SLF1: variants seen among roughly 807,000 people sequenced by gnomAD.
SLF1 encodes the protein SMC5/6 complex localization factor 1.
A neutral mutation model predicts 123.0 loss-of-function variants in SLF1; 105 were observed. That is an observed-to-expected ratio of 0.85 (90% CI 0.73 to 1.00). The LOEUF is 1.00. SLF1 is among the 50% of genes least tolerant of loss of function. SLF1 has a pLI of 0.00. For synonymous variants in SLF1, 434 were observed against 406.6 expected, an observed-to-expected ratio of 1.07 and a Z score of -0.81; for missense variants, 1,239 against 1,223.0, an observed-to-expected ratio of 1.01 and a Z score of -0.20.
chr5:94,631,215 T>C (rs1451882735), intron 4 of SLF1, among the ~76,000 whole-genome samples: 1 of 152,140 alleles, frequency 6.6e-6, no homozygotes. Flanking sequence ...GCTGTTACTT[T>C]TTTTTTTATG....
intron 14 of SLF1, among the ~76,000 whole-genome samples, chr5:94,675,759 C>T (rs1371426749): frequency 1.3e-5 from 2 of 151,976 alleles, no homozygotes; most frequent in African/African-American, 2.4e-5. Flanking sequence ...AGTTATTCCT[C>T]GAAATCACTG....
intron 4 of SLF1, among the ~76,000 whole-genome samples, chr5:94,637,213 A>G (rs1003307702): frequency 6.6e-6 from 1 of 152,162 alleles, no homozygotes; most frequent in African/African-American, 2.4e-5. Flanking sequence ...TGGCAGGGAC[A>G]GAATTTCACT....
chr5:94,618,485 A>G (rs896323069), upstream of SLF1: 4 of 152,946 alleles, frequency 2.6e-5, no homozygotes, highest in African/African-American at 9.6e-5. Context: ...GAGAAAACCC[A>G]GTAAAATCAC....
intron 15 of SLF1, 26 bp from the exon 16 acceptor site, chr5:94,686,547 A>C: frequency 6.2e-7 from 1 of 1,610,328 alleles, no homozygotes; most frequent in Non-Finnish European, 8.5e-7. Context: ...AGCAATAACT[A>C]TATTAACTTA....
At chr5:94,660,705 G>C (rs1480131313) in intron 9 of SLF1, among the ~76,000 whole-genome samples, 3 of 152,188 alleles carry the variant, frequency 2.0e-5, no homozygotes, top group African/African-American at 7.2e-5. Flanking sequence ...CCCCCAGTGG[G>C]CCACTCCTCA....
chr5:94,642,074 T>G (rs1210630103), intron 4 of SLF1, among the ~76,000 whole-genome samples: 4 of 152,208 alleles, frequency 2.6e-5, no homozygotes, highest in Non-Finnish European at 5.9e-5. Flanking sequence ...AAGTTTTATT[T>G]CCACCCCTCC....
At chr5:94,653,486 A>C (rs1747990987) in intron 8 of SLF1, 65 bp downstream of exon 8, 1 of 1,303,656 alleles carries the variant, frequency 7.7e-7, no homozygotes. Flanking sequence ...GATATAATCT[A>C]GATATATAAT....
intron 12 of SLF1, among the ~76,000 whole-genome samples, chr5:94,666,322 A>C (rs1213661731): frequency 1.3e-5 from 2 of 152,212 alleles, no homozygotes; most frequent in Admixed American, 1.3e-4. Flanking sequence ...TAAATGAAGA[A>C]AATTAATTTA....
intron 15 of SLF1, among the ~76,000 whole-genome samples, chr5:94,684,860 G>A (rs148331059): frequency 9.4e-4 from 143 of 152,306 alleles, no homozygotes; most frequent in South Asian, 6.0e-3. Context: ...ATGACAAGCT[G>A]CCACAAGGCA....
chr5:94,671,097 A>T (rs56813337), intron 14 of SLF1, 89 bp downstream of exon 14: 78,133 of 961,946 alleles, frequency 0.081, 3,517 homozygotes, highest in South Asian at 0.12. Flanking sequence ...TCTTTGGATC[A>T]CTCGAAAACA....
chr5:94,622,170 C>A (rs542300475), intron 1 of SLF1, among the ~76,000 whole-genome samples: 1 of 152,318 alleles, frequency 6.6e-6, no homozygotes, highest in South Asian at 2.1e-4. Flanking sequence ...CACTTGGACC[C>A]TTTTCAGTTT....
At position 94,688,549 on chromosome 5, in the gene SLF1, G is replaced by C. The variant is rs746031677; in HGVS notation, c.2165G>C (p.Gly722Ala). 6.2e-7 allele frequency: 1 copy of C among 1,613,992 alleles called. No homozygotes were observed. The highest frequency in any genetic ancestry group is 1.1e-5 in the South Asian group (1 of 91,070). Reference sequence around the variant, plus strand: ...GCCTTGGGGAAAACTGGTGTGCTTGGGTCTGGAAAGATTCAGGTGTCAAAG... The same window carrying C: ...GCCTTGGGGAAAACTGGTGTGCTTGCGTCTGGAAAGATTCAGGTGTCAAAG... Reference protein sequence around the residue: ...LPALGKTGVLGSGKIQVSKKI... With the variant: ...LPALGKTGVLASGKIQVSKKI... Residue 722 changes from glycine to alanine, a missense_variant, in exon 17 of 21, where the codon GGG becomes GCG. By Grantham distance (60) the Gly-to-Ala change is moderately conservative. Coordinates refer to ENST00000265140, the MANE Select transcript of SLF1 (RefSeq NM_032290.4).
At chr5:94,645,775 T>C (rs1417637283) in intron 5 of SLF1, among the ~76,000 whole-genome samples, 1 of 152,196 alleles carries the variant, frequency 6.6e-6, no homozygotes, top group Non-Finnish European at 1.5e-5. Context: ...ATCAAACAGC[T>C]GGGAGTTCAT....
chr5:94,637,304 G>C (rs1456668690), intron 4 of SLF1, among the ~76,000 whole-genome samples: 2 of 152,114 alleles, frequency 1.3e-5, no homozygotes, highest in Non-Finnish European at 1.5e-5. Context: ...CTTGCTTTCT[G>C]TTACTCTGTA....
rs924057580 is a variant in SLF1, at chr5:94,631,982, TTTTTTTC to T, written c.431+1240_431+1246del. On this transcript the variant is annotated intron_variant, in intron 4 of 20. Coordinates refer to ENST00000265140, the MANE Select transcript of SLF1 (RefSeq NM_032290.4). ...TTTTTTTTTCTTTCTTTTTTTTTTT[TTTTTTTC>T]CAAATTAAATTAGCCAGGCTTGGTG... Among the ~76,000 whole-genome samples, 60 of 89,336 alleles carry T rather than the reference TTTTTTTC, an allele frequency of 6.7e-4. 1 individual carries two copies. Among genetic ancestry groups the T allele is most frequent in the Middle Eastern group, 5.2e-3 (1 of 192 alleles). 58.6% of individuals were successfully genotyped at this position (89,336 alleles called of 152,430 possible). A position where few individuals can be genotyped will look rare whatever the true frequency, so the allele number is the denominator to read the frequency against.
At chr5:94,678,136 A>G (rs1383568506) in intron 14 of SLF1, among the ~76,000 whole-genome samples, 4 of 152,108 alleles carry the variant, frequency 2.6e-5, no homozygotes, top group East Asian at 1.9e-4. Flanking sequence ...TAGCCAGGAT[A>G]GTCTCAATCT....
intron 1 of SLF1, among the ~76,000 whole-genome samples, chr5:94,624,462 CACTA>C (rs1184008024): frequency 2.0e-5 from 3 of 152,148 alleles, no homozygotes; most frequent in African/African-American, 7.2e-5. Flanking sequence ...CTGCTTTACA[CACTA>C]ACTCCAGTAA....
chr5:94,628,661 T>A (rs80224699), intron 1 of SLF1, 150 bp from the exon 2 acceptor site: 293 of 473,026 alleles, frequency 6.2e-4, no homozygotes, highest in African/African-American at 5.3e-3. Flanking sequence ...TAAGTAATTT[T>A]AATATTGTTT....
At chr5:94,636,623 TTTTC>T (rs1425696756) in intron 4 of SLF1, among the ~76,000 whole-genome samples, 2 of 152,068 alleles carry the variant, frequency 1.3e-5, no homozygotes, top group African/African-American at 4.8e-5. Context: ...TGTTTATTCT[TTTTC>T]TTTGTCAGAC....
Sources: allele counts gnomAD v4.1 joint callset (sites outside exome capture counted in the v4.1 genomes callset), GRCh38; gene constraint gnomAD v4.1.1; transcripts MANE v1.5; gene names NCBI Gene and HGNC (gene_info 2026-07-23, HGNC 2026-07-21).